GIPC3: variants seen among roughly 807,000 people sequenced by gnomAD.
GIPC3 encodes PDZ domain-containing protein GIPC3.
GIPC3 carries 16 observed loss-of-function variants against 27.3 expected under a neutral mutation model. That is an observed-to-expected ratio of 0.59 (90% CI 0.40 to 0.89). The LOEUF (loss-of-function observed/expected upper bound fraction) is 0.89. GIPC3 is among the 40% of genes least tolerant of loss of function. The pLI is 0.00. For synonymous variants in GIPC3, 194 were observed against 184.6 expected (o/e 1.05, Z -0.41); for missense variants, 440 against 442.1 (o/e 1.00, Z 0.04).
intron 3 of GIPC3, among the ~76,000 whole-genome samples, chr19:3,587,891 G>A (rs762251586): frequency 4.4e-4 from 67 of 151,098 alleles, no homozygotes; most frequent in Non-Finnish European, 6.2e-4. Context: ...AGGTTTTACC[G>A]TGTTAGCCAG....
intron 3 of GIPC3, among the ~76,000 whole-genome samples, chr19:3,587,695 C>CTTTTTTCTTTTTTTTTTTTTTTTTTTTT (rs548820972): frequency 7.6e-6 from 1 of 131,208 alleles, no homozygotes; most frequent in Non-Finnish European, 1.6e-5. Context: ...CTTTTCTTTT[C>CTTTTTTCTTTTTTTTTTTTTTTTTTTTT]TTTTTTTTTT....
rs746771891 is a variant in GIPC3, at chr19:3,586,691, G to C, written c.411+11G>C. ...TACGCCTTCATCAAGGTGCCCGGGA[G>C]GGGGTGGGCGGGTGGCTTCCTGGGG... On this transcript the variant is annotated intron_variant, in intron 2 of 5. Transcript: ENST00000644452. The C allele has an allele frequency of 4.3e-6, 7 of 1,610,936 alleles. No homozygotes were observed. Among genetic ancestry groups the C allele is most frequent in the Non-Finnish European group, 5.9e-6 (7 of 1,178,286 alleles).
Position 3,593,121 on chromosome 19 carries a change from C to T in GIPC3, c.*2931C>T, listed in dbSNP as rs1449477165. 59 of 1,232,404 alleles carry T rather than the reference C, an allele frequency of 4.8e-5. No homozygotes were observed. The highest frequency in any genetic ancestry group is 5.4e-5 in the Non-Finnish European group (53 of 988,348). The allele number at this position is 1,232,404 out of a possible 1,614,324, so 76.3% of individuals were successfully genotyped here. A position where few individuals can be genotyped will look rare whatever the true frequency, so the allele number is the denominator to read the frequency against. Reference sequence around the variant, plus strand: ...GAAGCCAGCCGTCTCTCCCAAGCCCCGGGTGGGACCCCAGAAGTCCACCCC... The same window carrying T: ...GAAGCCAGCCGTCTCTCCCAAGCCCTGGGTGGGACCCCAGAAGTCCACCCC... On this transcript the variant is annotated 3_prime_UTR_variant, in exon 6 of 6. Coordinates refer to ENST00000644452, the MANE Select transcript of GIPC3 (RefSeq NM_133261.3).
At position 3,592,710 on chromosome 19, in the gene GIPC3, G is replaced by A. The variant is rs554177660; in HGVS notation, c.*2520G>A. 6 of 1,229,526 alleles carry A rather than the reference G, an allele frequency of 4.9e-6. No individual in the cohort carries two copies. Among genetic ancestry groups the A allele is most frequent in the East Asian group, 3.2e-5 (1 of 31,614 alleles). The allele number at this position is 1,229,526 out of a possible 1,614,324, so 76.2% of individuals were successfully genotyped here. On this transcript the variant is annotated 3_prime_UTR_variant, in exon 6 of 6. Coordinates refer to ENST00000644452, the MANE Select transcript of GIPC3 (RefSeq NM_133261.3). The stretch of plus-strand genomic sequence containing the variant: ...CAGAACCCAGTCCAGCTCTGAGACC[G>A]GGCTCAGCTCTGAAACCCAGACCGG...
Position 3,585,682 on chromosome 19 carries a change from G to GGCGCGCC in GIPC3, c.85_86insGCGCGCC (p.Ala29GlyfsTer91), listed in dbSNP as rs2032350312. ...CCCGCCCGCGCCCTCGGAGCCCCCG[G>GGCGCGCC]CCGCGCCCCGCGCCCGCCCGCGCCT... On this transcript the variant is annotated frameshift_variant, in exon 1 of 6. Transcript: ENST00000644452. LOFTEE classifies it high-confidence loss of function. 1 of 1,384,092 alleles carries GGCGCGCC rather than the reference G, an allele frequency of 7.2e-7. No individual in the cohort carries two copies. Among genetic ancestry groups the GGCGCGCC allele is most frequent in the Non-Finnish European group, 9.4e-7 (1 of 1,059,170 alleles). The allele number at this position is 1,384,092 out of a possible 1,614,324, so 85.7% of individuals were successfully genotyped here.
chr19:3,593,038 C>G lies in GIPC3; in HGVS notation c.*2848C>G. ...ATCCAGGCCAGCCTTGGCCCCATCC[C>G]AGGCTTACCCCAAGCCTCCTACCTG... On this transcript the variant is annotated 3_prime_UTR_variant, in exon 6 of 6. Coordinates refer to ENST00000644452, the MANE Select transcript of GIPC3 (RefSeq NM_133261.3). The G allele has an allele frequency of 8.1e-7, 1 of 1,232,306 alleles. No individual in the cohort carries two copies. Among genetic ancestry groups the G allele is most frequent in the Non-Finnish European group, 1.0e-6 (1 of 988,226 alleles). The allele number at this position is 1,232,306 out of a possible 1,614,324, so 76.3% of individuals were successfully genotyped here. A position where few individuals can be genotyped will look rare whatever the true frequency, so the allele number is the denominator to read the frequency against.
In GIPC3 at chr19:3,589,764, C is replaced by T. The variant is rs549658028; in HGVS notation, c.706-67C>T. 8.2e-5 allele frequency: 94 copies of T among 1,144,350 alleles called. 1 individual carries two copies. The highest frequency in any genetic ancestry group is 7.0e-4 in the African/African-American group (42 of 60,126). 70.9% of individuals were successfully genotyped at this position (1,144,350 alleles called of 1,614,324 possible). A position where few individuals can be genotyped will look rare whatever the true frequency, so the allele number is the denominator to read the frequency against. ...CTACTCTTCCCTTAGGGGTGGGGGT[C>T]GGGAGGGGGCTGGGCTGGAGGGCTC... On this transcript the variant is annotated intron_variant, in intron 4 of 5. Coordinates refer to ENST00000644452, the MANE Select transcript of GIPC3 (RefSeq NM_133261.3).
Position 3,591,342 on chromosome 19 carries a change from C to T in GIPC3, c.*1152C>T. 8.1e-7 allele frequency: 1 copy of T among 1,232,482 alleles called. No individual in the cohort carries two copies. The highest frequency in any genetic ancestry group is 1.0e-6 in the Non-Finnish European group (1 of 988,280). The allele number at this position is 1,232,482 out of a possible 1,614,324, so 76.3% of individuals were successfully genotyped here. ...TGACAACAAGCCAAACTCTGGAACC[C>T]AGACACATTTTAAGACCCAGACCAG... On this transcript the variant is annotated 3_prime_UTR_variant, in exon 6 of 6. Transcript: ENST00000644452.
In GIPC3 at chr19:3,586,540, C is replaced by T. The variant is rs1599862314; in HGVS notation, c.271C>T (p.Leu91Phe). The T allele has an allele frequency of 1.2e-6, 2 of 1,613,838 alleles. No individual in the cohort carries two copies. The highest frequency in any genetic ancestry group is 1.7e-6 in the Non-Finnish European group (2 of 1,180,012). ...CAGCCACAAAGTGGACATGCAGAAG[C>T]TCCTGGGGGGTCAGATAGGCCTGGA... ...LNSHKVDMQK[L>F]LGGQIGLEDF... is the part of the protein sequence containing the mutation. Residue 91 changes from leucine (L) to phenylalanine (F), a missense_variant, in exon 2 of 6, where the codon CTC (leucine) becomes TTC (phenylalanine). By Grantham distance (22) the Leu-to-Phe change is conservative (BLOSUM62 0). Transcript: ENST00000644452.
Position 3,590,273 on chromosome 19 carries a change from G to A in GIPC3, c.*83G>A, listed in dbSNP as rs543815063. 7.1e-4 allele frequency: 1,069 copies of A among 1,512,018 alleles called. 5 individuals carry two copies. In the African/African-American group the frequency reaches 0.011, roughly 16 times the overall value. 93.7% of individuals were successfully genotyped at this position (1,512,018 alleles called of 1,614,324 possible). The stretch of plus-strand genomic sequence containing the variant: ...CCTGCTCCAGAACCCAGCCCAGATC[G>A]GAGGACAAGTTCCTCTCTAGAACCC... On this transcript the variant is annotated 3_prime_UTR_variant, in exon 6 of 6. Coordinates refer to ENST00000644452, the MANE Select transcript of GIPC3 (RefSeq NM_133261.3).
intron 2 of GIPC3, 43 bp from the exon 3 acceptor site, chr19:3,586,771 G>C: frequency 6.2e-7 from 1 of 1,612,094 alleles, no homozygotes. Context: ...GATTGGAGGC[G>C]GGTGGCTGGG....
In GIPC3 at chr19:3,592,381, G is replaced by T; in HGVS notation, c.*2191G>T. On this transcript the variant is annotated 3_prime_UTR_variant, in exon 6 of 6. Coordinates refer to ENST00000644452, the MANE Select transcript of GIPC3 (RefSeq NM_133261.3). ...AGCTCTGGGACCCAGATAAGCTCAA[G>T]AATTCAAGCCAGCTCTGGAAGTCAG... 1 of 1,232,052 alleles carries T rather than the reference G, an allele frequency of 8.1e-7. No individual in the cohort carries two copies. Among genetic ancestry groups the T allele is most frequent in the Non-Finnish European group, 1.0e-6 (1 of 987,976 alleles). 76.3% of individuals were successfully genotyped at this position (1,232,052 alleles called of 1,614,324 possible).
In GIPC3 at chr19:3,593,237, T is replaced by G. The variant is rs2032523237; in HGVS notation, c.*3047T>G. On this transcript the variant is annotated 3_prime_UTR_variant, in exon 6 of 6. Coordinates refer to ENST00000644452, the MANE Select transcript of GIPC3 (RefSeq NM_133261.3). Reference sequence around the variant, plus strand: ...AGTCCCCAGCTTTGGCGCCAGCCCTTTGCCCCACTCTGGGGGAGCCAGGAG... The same window carrying G: ...AGTCCCCAGCTTTGGCGCCAGCCCTGTGCCCCACTCTGGGGGAGCCAGGAG... 3 of 1,232,548 alleles carry G rather than the reference T, an allele frequency of 2.4e-6. No individual in the cohort carries two copies. Among genetic ancestry groups the G allele is most frequent in the South Asian group, 8.2e-5 (2 of 24,334 alleles). The allele number at this position is 1,232,548 out of a possible 1,614,324, so 76.4% of individuals were successfully genotyped here.
chr19:3,586,489 G>A lies in GIPC3; in HGVS notation c.226-6G>A, dbSNP rs1047450461. On this transcript the variant is annotated splice_region_variant and splice_polypyrimidine_tract_variant and intron_variant, in intron 1 of 5. Coordinates refer to ENST00000644452, the MANE Select transcript of GIPC3 (RefSeq NM_133261.3). ...GCTAACTCTAGGCTCCTTCTCCCCC[G>A]GGAAGATTTTATTCTGCACCCTCAA... The A allele has an allele frequency of 2.5e-6, 4 of 1,613,034 alleles. No homozygotes were observed. Among genetic ancestry groups the A allele is most frequent in the South Asian group, 1.1e-5 (1 of 91,054 alleles).
intron 5 of GIPC3, 33 bp from the exon 6 acceptor site, chr19:3,590,006 C>T (rs377299384): frequency 6.9e-5 from 111 of 1,612,990 alleles, no homozygotes; most frequent in Admixed American, 2.0e-4. Flanking sequence ...CGGGGAGTGC[C>T]CTCACTGACA....
At position 3,592,053 on chromosome 19, in the gene GIPC3, G is replaced by A; in HGVS notation, c.*1863G>A. On this transcript the variant is annotated 3_prime_UTR_variant, in exon 6 of 6. Transcript: ENST00000644452. Reference sequence around the variant, plus strand: ...AGCCAGCTCCAAAACACAGACAGCAGCTGAGACCCAGCCAAGTTCCAGAAT... The same window carrying A: ...AGCCAGCTCCAAAACACAGACAGCAACTGAGACCCAGCCAAGTTCCAGAAT... 2 of 1,232,106 alleles carry A rather than the reference G, an allele frequency of 1.6e-6. No homozygotes were observed. Among genetic ancestry groups the A allele is most frequent in the African/African-American group, 1.6e-5 (1 of 64,478 alleles). 76.3% of individuals were successfully genotyped at this position (1,232,106 alleles called of 1,614,324 possible). A position where few individuals can be genotyped will look rare whatever the true frequency, so the allele number is the denominator to read the frequency against.
chr19:3,587,333 G>C (rs1176631926), intron 3 of GIPC3, among the ~76,000 whole-genome samples: 5 of 152,170 alleles, frequency 3.3e-5, no homozygotes, highest in African/African-American at 1.2e-4. Flanking sequence ...CTGGGCTGGA[G>C]TGCAATGGCG....
At position 3,587,090 on chromosome 19, in the gene GIPC3, T is replaced by C. The variant is rs372605023; in HGVS notation, c.592+96T>C. 84 of 1,164,252 alleles carry C rather than the reference T, an allele frequency of 7.2e-5. No individual in the cohort carries two copies. The African/African-American group carries it at 1.0e-3, about 14-fold the overall frequency. The allele number at this position is 1,164,252 out of a possible 1,614,324, so 72.1% of individuals were successfully genotyped here. A position where few individuals can be genotyped will look rare whatever the true frequency, so the allele number is the denominator to read the frequency against. ...GGGGATGGGACGGGCTGGAAGGTTCTAGGTGCACCCGCTGCGTGCCAAGGA... is the reference window on the plus strand; with the variant it reads ...GGGGATGGGACGGGCTGGAAGGTTCCAGGTGCACCCGCTGCGTGCCAAGGA... On this transcript the variant is annotated intron_variant, in intron 3 of 5. Coordinates refer to ENST00000644452, the MANE Select transcript of GIPC3 (RefSeq NM_133261.3).
In GIPC3 at chr19:3,593,156, ATC is replaced by A. The variant is rs1438961363; in HGVS notation, c.*2968_*2969del. Reference sequence around the variant, plus strand: ...CCCAGAAGTCCACCCCACCCACCATATCTGTCACTCCTAGTCCTGCCCCTAGG... The same window carrying A: ...CCCAGAAGTCCACCCCACCCACCATATGTCACTCCTAGTCCTGCCCCTAGG... On this transcript the variant is annotated 3_prime_UTR_variant, in exon 6 of 6. Coordinates refer to ENST00000644452, the MANE Select transcript of GIPC3 (RefSeq NM_133261.3). The A allele has an allele frequency of 8.1e-7, 1 of 1,231,938 alleles. No homozygotes were observed. The highest frequency in any genetic ancestry group is 1.0e-6 in the Non-Finnish European group (1 of 988,116). The allele number at this position is 1,231,938 out of a possible 1,614,324, so 76.3% of individuals were successfully genotyped here. A position where few individuals can be genotyped will look rare whatever the true frequency, so the allele number is the denominator to read the frequency against.
Sources: allele counts gnomAD v4.1 joint callset (sites outside exome capture counted in the v4.1 genomes callset), GRCh38; gene constraint gnomAD v4.1.1; transcripts MANE v1.5; gene names NCBI Gene and HGNC (gene_info 2026-07-23, HGNC 2026-07-21).